The following SLC38A4 variants were observed in gnomAD, a reference collection of about 807,000 sequenced individuals.
SLC38A4 encodes the protein sodium-coupled neutral amino acid transporter 4.
SLC38A4 carries 20 observed loss-of-function variants against 63.1 expected under a neutral mutation model. That is an observed-to-expected ratio of 0.32 (90% CI 0.22 to 0.46). SLC38A4 has a LOEUF of 0.46. Among genes scored for constraint, SLC38A4 ranks in the 20% least tolerant of loss-of-function variants. The probability of loss-of-function intolerance (pLI) is 1.00; values close to 1 mark genes in which losing one functional copy is unlikely to be tolerated. For synonymous variants in SLC38A4, 230 were observed against 225.5 expected (o/e 1.02, Z -0.18); for missense variants, 526 against 663.6 (o/e 0.79, Z 2.28).
At chr12:46,812,216 A>C (rs1276443056) in intron 1 of SLC38A4, among the ~76,000 whole-genome samples, 2 of 152,116 alleles carry the variant, frequency 1.3e-5, no homozygotes, top group Non-Finnish European at 2.9e-5. Flanking sequence ...ACATGTGAAT[A>C]AGATAATCAT....
intron 13 of SLC38A4, among the ~76,000 whole-genome samples, chr12:46,775,765 T>G (rs900840279): frequency 1.3e-5 from 2 of 152,042 alleles, no homozygotes; most frequent in African/African-American, 4.8e-5. Context: ...AATTTTTAGA[T>G]GGTCTCCCAG....
At chr12:46,768,689 T>C (rs147212974) in intron 15 of SLC38A4, among the ~76,000 whole-genome samples, 550 of 152,196 alleles carry the variant, frequency 3.6e-3, no homozygotes, top group Non-Finnish European at 4.8e-3. Context: ...GGATTAGTAA[T>C]ATAAATACAT....
At chr12:46,795,254 T>C (rs535521454) in intron 2 of SLC38A4, among the ~76,000 whole-genome samples, 3 of 152,240 alleles carry the variant, frequency 2.0e-5, no homozygotes, top group Admixed American at 6.5e-5. Context: ...ATTATTTTAG[T>C]TAATAAAATA....
At chr12:46,795,760 C>G (rs551754386) in intron 2 of SLC38A4, among the ~76,000 whole-genome samples, 3 of 152,152 alleles carry the variant, frequency 2.0e-5, no homozygotes, top group African/African-American at 7.2e-5. Flanking sequence ...AGAAACTTCT[C>G]TCTTCTAGCT....
chr12:46,780,188 A>G (rs1262773809), intron 7 of SLC38A4, among the ~76,000 whole-genome samples, 158 bp from the exon 8 acceptor site: 2 of 152,020 alleles, frequency 1.3e-5, no homozygotes, highest in Admixed American at 1.3e-4. Flanking sequence ...CTCTTCCAAG[A>G]TAGACATTTG....
chr12:46,768,295 G>A lies in SLC38A4; in HGVS notation c.1542+15C>T. On this transcript the variant is annotated intron_variant, in intron 16 of 16. Transcript: ENST00000266579. ...AGAACAACTAATAATGGGGGAAATT[G>A]CAAGGTTTACTTACCCCGACCTTTT... 3 of 1,565,672 alleles carry A rather than the reference G, an allele frequency of 1.9e-6. No homozygotes were observed. The highest frequency in any genetic ancestry group is 2.6e-6 in the Non-Finnish European group (3 of 1,141,800).
chr12:46,830,974 C>A (rs1229048380), upstream of SLC38A4, among the ~76,000 whole-genome samples: 1 of 152,240 alleles, frequency 6.6e-6, no homozygotes, highest in African/African-American at 2.4e-5. Context: ...TGCCCTGGCA[C>A]ACCCGCGACC....
intron 2 of SLC38A4, among the ~76,000 whole-genome samples, chr12:46,798,974 T>A (rs1939074172): frequency 6.6e-6 from 1 of 152,304 alleles, no homozygotes; most frequent in South Asian, 2.1e-4. Flanking sequence ...CTGCATTAAC[T>A]AACTTCTGAC....
At chr12:46,777,367 G>A (rs1403988914) in intron 12 of SLC38A4, among the ~76,000 whole-genome samples, 2 of 151,884 alleles carry the variant, frequency 1.3e-5, no homozygotes, top group African/African-American at 4.8e-5. Flanking sequence ...ATGAGGAAAA[G>A]AACCTAGTAG....
chr12:46,827,547 A>G (rs951692061), upstream of SLC38A4, among the ~76,000 whole-genome samples: 5 of 152,190 alleles, frequency 3.3e-5, no homozygotes, highest in African/African-American at 1.2e-4. Context: ...CTGTCATTCA[A>G]TTCCCTACAT....
chr12:46,781,094 C>A (rs1028727359), intron 7 of SLC38A4, among the ~76,000 whole-genome samples: 6 of 151,988 alleles, frequency 3.9e-5, no homozygotes, highest in African/African-American at 1.4e-4. Flanking sequence ...TAGTTCTGCA[C>A]ATTACTTCAT....
At chr12:46,780,325 A>G (rs1938613604) in intron 7 of SLC38A4, among the ~76,000 whole-genome samples, 1 of 152,000 alleles carries the variant, frequency 6.6e-6, no homozygotes, top group Non-Finnish European at 1.5e-5. Context: ...ATAAATCAAC[A>G]TAGCCCATAC....
chr12:46,814,730 G>A (rs1467827423), intron 1 of SLC38A4, among the ~76,000 whole-genome samples: 1 of 151,922 alleles, frequency 6.6e-6, no homozygotes, highest in Non-Finnish European at 1.5e-5. Flanking sequence ...CAGCAAGAAT[G>A]GATGACTGGC....
intron 1 of SLC38A4, among the ~76,000 whole-genome samples, chr12:46,824,867 CAT>C (rs1363674246): frequency 1.3e-5 from 2 of 152,186 alleles, no homozygotes; most frequent in African/African-American, 4.8e-5. Context: ...CAAATCTACA[CAT>C]GTGGCAAAAT....
At chr12:46,815,284 T>TATATATATATATAC (rs1555173035) in intron 1 of SLC38A4, among the ~76,000 whole-genome samples, 2 of 82,974 alleles carry the variant, frequency 2.4e-5, no homozygotes, top group Non-Finnish European at 4.5e-5. Context: ...TATATATATA[T>TATATATATATATAC]ACACACACAC....
chr12:46,820,832 A>G (rs1939530117), intron 1 of SLC38A4, among the ~76,000 whole-genome samples: 1 of 151,952 alleles, frequency 6.6e-6, no homozygotes, highest in Non-Finnish European at 1.5e-5. Flanking sequence ...TATGTTTGCT[A>G]ACATTTGTTA....
chr12:46,824,361 G>T (rs7967842), intron 1 of SLC38A4: 86,981 of 152,026 alleles, frequency 0.57, 25,454 homozygotes, highest in Non-Finnish European at 0.62. Context: ...TTTAAATGAA[G>T]ATGGAGTGTA....
intron 2 of SLC38A4, among the ~76,000 whole-genome samples, chr12:46,798,268 T>C (rs1939057886): frequency 6.6e-6 from 1 of 152,132 alleles, no homozygotes. Context: ...TCAACATGCC[T>C]GGTAAGATTC....
chr12:46,787,983 C>A lies in SLC38A4; in HGVS notation c.259G>T (p.Ala87Ser), dbSNP rs201616361. The change falls in exon 5 of 17, where the codon GCC becomes TCC. Residue 87 changes from alanine to serine, a missense_variant. By Grantham distance (99) the Ala-to-Ser change is moderately conservative (BLOSUM62 1). Transcript: ENST00000266579. ...FGMSSFNLSNAIMGSGILGLS... is the reference protein window; with the variant it reads ...FGMSSFNLSNSIMGSGILGLS... ...CCCAGGATCCCACTGCCCATGATGG[C>A]ATTACTCAGGTTAAATGAAGACATT... is the stretch of plus-strand genomic sequence containing the variant. 68 of 1,613,902 alleles carry A rather than the reference C, an allele frequency of 4.2e-5. No homozygotes were observed. The highest frequency in any genetic ancestry group is 1.7e-6 in the Non-Finnish European group (2 of 1,179,842).
Sources: allele counts gnomAD v4.1 joint callset (sites outside exome capture counted in the v4.1 genomes callset), GRCh38; gene constraint gnomAD v4.1.1; transcripts MANE v1.5; gene names NCBI Gene and HGNC (gene_info 2026-07-23, HGNC 2026-07-21).